The following B3GALT1 variants were observed in gnomAD, a reference collection of about 807,000 sequenced individuals.
B3GALT1 encodes UDP-Gal:betaGlcNAc beta 1,3-galactosyltransferase, polypeptide 1.
Under a neutral mutation model 23.2 loss-of-function variants are expected in B3GALT1, and 10 were observed. That is an observed-to-expected ratio of 0.43 (90% CI 0.27 to 0.73). The LOEUF (loss-of-function observed/expected upper bound fraction) is 0.73, where lower values mean the gene tolerates loss of function less well. Ranked by LOEUF, B3GALT1 falls within the 30% of genes least tolerant of loss-of-function variation. The pLI is 0.21. For synonymous variants in B3GALT1, 156 were observed against 141.5 expected, an observed-to-expected ratio of 1.10 and a Z score of -0.73; for missense variants, 299 against 405.4, an observed-to-expected ratio of 0.74 and a Z score of 2.25.
intron 3 of B3GALT1, among the ~76,000 whole-genome samples, chr2:167,786,120 C>T (rs564422169): frequency 1.3e-5 from 2 of 152,186 alleles, no homozygotes; most frequent in African/African-American, 4.8e-5. Context: ...GAATTTGGAT[C>T]GGCTTTGAAA....
chr2:167,322,368 A>G (rs1696827840), intron 1 of B3GALT1, among the ~76,000 whole-genome samples: 2 of 151,660 alleles, frequency 1.3e-5, no homozygotes, highest in Admixed American at 6.6e-5. Flanking sequence ...TAAAATTTAT[A>G]ATTATTTTAT....
intron 1 of B3GALT1, among the ~76,000 whole-genome samples, chr2:167,351,954 G>A (rs1697314629): frequency 4.6e-5 from 3 of 64,626 alleles, no homozygotes; most frequent in Admixed American, 2.1e-4. Flanking sequence ...GGCTGTTTTT[G>A]ATTTTTTTTT....
intron 1 of B3GALT1, among the ~76,000 whole-genome samples, chr2:167,472,444 G>T (rs539697152): frequency 6.6e-6 from 1 of 152,086 alleles, no homozygotes; most frequent in Admixed American, 6.6e-5. Context: ...GTCTAATTCA[G>T]TGTTTCCCAT....
intron 2 of B3GALT1, among the ~76,000 whole-genome samples, chr2:167,594,850 CA>C (rs2105418742): frequency 6.6e-6 from 1 of 152,020 alleles, no homozygotes; most frequent in East Asian, 1.9e-4. Context: ...AGGTTGCAAT[CA>C]GCCAAGATTG....
chr2:167,560,191 T>C (rs1316516174), intron 2 of B3GALT1, among the ~76,000 whole-genome samples: 1 of 152,158 alleles, frequency 6.6e-6, no homozygotes, highest in Non-Finnish European at 1.5e-5. Context: ...CAGAATTTCA[T>C]ATCCAGCCAA....
intron 3 of B3GALT1, among the ~76,000 whole-genome samples, chr2:167,752,347 A>G (rs1687751436): frequency 6.6e-6 from 1 of 152,184 alleles, no homozygotes. Context: ...GAAGTCAGGA[A>G]TTGCAGTGTA....
chr2:167,441,885 T>C (rs945327619), intron 1 of B3GALT1, among the ~76,000 whole-genome samples: 4 of 151,656 alleles, frequency 2.6e-5, no homozygotes, highest in Non-Finnish European at 5.9e-5. Context: ...TTTAATTTAT[T>C]TTTTTTATTA....
chr2:167,579,975 C>A lies in B3GALT1; in HGVS notation c.-409-66934C>A, dbSNP rs574079476. The stretch of plus-strand genomic sequence containing the variant: ...GTAGAGTTCAATTTTTTCAACTGAA[C>A]TTAAGCTGTTGAAATTGACAAATTA... On this transcript the variant is annotated intron_variant, in intron 2 of 4. Coordinates refer to ENST00000392690, the MANE Select transcript of B3GALT1 (RefSeq NM_020981.4). Among the ~76,000 whole-genome samples, 5 of 152,202 alleles carry A rather than the reference C, an allele frequency of 3.3e-5. 1 individual carries two copies. The highest frequency in any genetic ancestry group is 1.2e-4 in the African/African-American group (5 of 41,560).
chr2:167,559,717 G>A (rs910174449), intron 2 of B3GALT1, among the ~76,000 whole-genome samples: 2 of 152,140 alleles, frequency 1.3e-5, no homozygotes, highest in Admixed American at 6.5e-5. Context: ...GATGGAAGAC[G>A]AAATGAATGA....
intron 1 of B3GALT1, among the ~76,000 whole-genome samples, chr2:167,439,180 A>T (rs1559096647): frequency 6.6e-6 from 1 of 152,164 alleles, no homozygotes; most frequent in Non-Finnish European, 1.5e-5. Context: ...TACCTGACAT[A>T]GTAGTGATAA....
chr2:167,444,929 C>T (rs1698956957), intron 1 of B3GALT1, among the ~76,000 whole-genome samples: 1 of 152,170 alleles, frequency 6.6e-6, no homozygotes, highest in Non-Finnish European at 1.5e-5. Flanking sequence ...GTTGCTCTTG[C>T]TTCTCTAGTT....
chr2:167,590,345 C>CAA (rs397873377), intron 2 of B3GALT1, among the ~76,000 whole-genome samples: 2 of 78,266 alleles, frequency 2.6e-5, no homozygotes, highest in Non-Finnish European at 5.1e-5. Context: ...GACTCTGTCT[C>CAA]AAAAAAAAAA....
chr2:167,866,032 C>T, intron 4 of B3GALT1, among the ~76,000 whole-genome samples: 1 of 152,196 alleles, frequency 6.6e-6, no homozygotes, highest in East Asian at 1.9e-4. Context: ...CTGGTACACA[C>T]CATCCTCTCT....
chr2:167,331,996 G>T (rs573916884), intron 1 of B3GALT1, among the ~76,000 whole-genome samples: 11 of 152,356 alleles, frequency 7.2e-5, no homozygotes, highest in Admixed American at 7.2e-4. Context: ...GCAGGATGCA[G>T]TCTGGTGAGG....
chr2:167,575,855 C>T (rs1248798974), intron 2 of B3GALT1, among the ~76,000 whole-genome samples: 1 of 151,576 alleles, frequency 6.6e-6, no homozygotes, highest in Non-Finnish European at 1.5e-5. Flanking sequence ...TATGGCTTCC[C>T]CAAATGTTTT....
chr2:167,330,402 T>C (rs561372551), intron 1 of B3GALT1, among the ~76,000 whole-genome samples: 6 of 152,070 alleles, frequency 3.9e-5, no homozygotes, highest in Non-Finnish European at 8.8e-5. Context: ...AGCCCAAAAG[T>C]GTGATATCAG....
At chr2:167,754,989 C>T (rs1031094330) in intron 3 of B3GALT1, among the ~76,000 whole-genome samples, 7 of 152,082 alleles carry the variant, frequency 4.6e-5, no homozygotes, top group African/African-American at 1.2e-4. Context: ...TCTTTTGATA[C>T]GTGTTTTCAT....
At chr2:167,816,214 T>G (rs1237892112) in intron 3 of B3GALT1, among the ~76,000 whole-genome samples, 1 of 152,224 alleles carries the variant, frequency 6.6e-6, no homozygotes, top group Non-Finnish European at 1.5e-5. Context: ...GTATATGTTT[T>G]CTAGTTAATA....
intron 1 of B3GALT1, among the ~76,000 whole-genome samples, chr2:167,404,281 G>A (rs567165363): frequency 9.9e-5 from 15 of 152,152 alleles, no homozygotes; most frequent in South Asian, 6.2e-4. Flanking sequence ...TGAAGGATCC[G>A]CCTCCATAAC....
Sources: gnomAD v4.1 joint callset for allele counts (sites outside exome capture counted in the v4.1 genomes callset) on GRCh38, gnomAD v4.1.1 for gene constraint, MANE v1.5 for transcripts, NCBI Gene and HGNC (gene_info 2026-07-23, HGNC 2026-07-21) for gene names.